RSPRY1: variants seen among roughly 807,000 people sequenced by gnomAD.
RSPRY1 encodes the protein RING finger and SPRY domain-containing protein 1.
Under a neutral mutation model 73.1 loss-of-function variants are expected in RSPRY1, and 23 were observed. The observed-to-expected ratio is 0.31, with a 90% CI of 0.23 to 0.45. The LOEUF (loss-of-function observed/expected upper bound fraction) is 0.45. Ranked by LOEUF, RSPRY1 falls within the 20% of genes least tolerant of loss-of-function variation. The pLI, the probability that RSPRY1 is intolerant of heterozygous loss-of-function variation, is 1.00. For missense variants in RSPRY1, 448 were observed against 698.7 expected (o/e 0.64, Z 4.05); for synonymous variants, 226 against 251.4 (o/e 0.90, Z 0.95).
chr16:57,189,554 G>T (rs1597840923), intron 1 of RSPRY1, among the ~76,000 whole-genome samples: 2 of 146,762 alleles, frequency 1.4e-5, no homozygotes, highest in Admixed American at 6.8e-5. Context: ...CAATTATTCT[G>T]TATTTCTTTT....
intron 2 of RSPRY1, among the ~76,000 whole-genome samples, chr16:57,206,583 G>A (rs1263778731): frequency 6.6e-6 from 1 of 152,112 alleles, no homozygotes; most frequent in African/African-American, 2.4e-5. Flanking sequence ...TTTTTAAAGA[G>A]ACAGGGTCTC....
At chr16:57,208,500 G>A (rs919450646) in intron 3 of RSPRY1, among the ~76,000 whole-genome samples, 1 of 148,906 alleles carries the variant, frequency 6.7e-6, no homozygotes, top group Non-Finnish European at 1.5e-5. Context: ...CCCTGGCCCA[G>A]GTGATCACCC....
intron 14 of RSPRY1, among the ~76,000 whole-genome samples, chr16:57,238,336 G>A (rs968307922): frequency 1.3e-5 from 2 of 152,066 alleles, no homozygotes; most frequent in Non-Finnish European, 2.9e-5. Flanking sequence ...AAAAGTTTAA[G>A]GCAAGAAAAT....
intron 8 of RSPRY1, chr16:57,219,866 T>G (rs2075006686): frequency 6.6e-6 from 1 of 152,230 alleles, no homozygotes; most frequent in South Asian, 2.1e-4. Flanking sequence ...GTTTTATTCT[T>G]TTGCTTATGG....
At chr16:57,195,978 C>T (rs1399933241) in intron 1 of RSPRY1, among the ~76,000 whole-genome samples, 1 of 147,004 alleles carries the variant, frequency 6.8e-6, no homozygotes, top group Non-Finnish European at 1.5e-5. Flanking sequence ...GCCGAGATCT[C>T]ACCACTGGAC....
At chr16:57,219,512 A>C (rs888617017) in intron 8 of RSPRY1, among the ~76,000 whole-genome samples, 5 of 152,126 alleles carry the variant, frequency 3.3e-5, no homozygotes, top group African/African-American at 7.2e-5. Flanking sequence ...CAGATTATTG[A>C]ATGTTTTCCT....
chr16:57,186,448 G>T lies in RSPRY1; in HGVS notation c.-159G>T. The T allele has an allele frequency of 6.4e-6, 1 of 155,230 alleles. No homozygotes were observed. Among genetic ancestry groups the T allele is most frequent in the South Asian group, 1.8e-4 (1 of 5,602 alleles). 9.6% of individuals were successfully genotyped at this position (155,230 alleles called of 1,614,324 possible). A position where few individuals can be genotyped will look rare whatever the true frequency, so the allele number is the denominator to read the frequency against. On this transcript the variant is annotated 5_prime_UTR_variant, in exon 1 of 15. The change creates a premature stop within an existing upstream ORF in the 5' untranslated region. Coordinates refer to ENST00000394420, the MANE Select transcript of RSPRY1 (RefSeq NM_133368.3). ...CCCTCCGGTGGGCCCGGGAGGTAGA[G>T]AAAGTCAGTGCCACAGCCCGACCGC...
intron 10 of RSPRY1, among the ~76,000 whole-genome samples, chr16:57,223,521 TGTAATCC>T (rs1358177034): frequency 9.2e-5 from 14 of 152,224 alleles, no homozygotes; most frequent in Non-Finnish European, 1.9e-4. Flanking sequence ...GGCTCACACC[TGTAATCC>T]CAGCACTTTG....
chr16:57,230,005 CTTTTTT>C (rs544045998), intron 11 of RSPRY1, among the ~76,000 whole-genome samples: 1 of 44,926 alleles, frequency 2.2e-5, no homozygotes, highest in African/African-American at 8.9e-5. Flanking sequence ...ACGCCCTGCC[CTTTTTT>C]TTTTTTTTTT....
At position 57,230,807 on chromosome 16, in the gene RSPRY1, C is replaced by T; in HGVS notation, c.1370C>T (p.Ser457Phe). ...CCTCCTGAAAAGCAAGTCTTTTCAT[C>T]TACTGTGTAAGTAGCTCTTCTCAGT... Reference protein sequence around the residue: ...QLPPEKQVFSSTVSGFFAAAS... With the variant: ...QLPPEKQVFSFTVSGFFAAAS... Residue 457 changes from serine (S) to phenylalanine (F), a missense_variant, in exon 12 of 15, where the codon TCT (serine) becomes TTT (phenylalanine). Ser to Phe is a radical substitution (Grantham distance 155). Coordinates refer to ENST00000394420, the MANE Select transcript of RSPRY1 (RefSeq NM_133368.3). The T allele has an allele frequency of 2.5e-6, 4 of 1,587,900 alleles. No homozygotes were observed. The highest frequency in any genetic ancestry group is 3.5e-6 in the Non-Finnish European group (4 of 1,157,428).
chr16:57,189,014 A>ATTAT (rs2074302834), intron 1 of RSPRY1, among the ~76,000 whole-genome samples: 1 of 123,250 alleles, frequency 8.1e-6, no homozygotes. Context: ...TTTTTTTGAG[A>ATTAT]CCGAGATTCC....
chr16:57,210,254 A>AT (rs1406909626), intron 4 of RSPRY1, among the ~76,000 whole-genome samples: 8 of 148,100 alleles, frequency 5.4e-5, no homozygotes, highest in Non-Finnish European at 9.0e-5. Flanking sequence ...AATTTTTTTT[A>AT]TTTTTTGTAG....
chr16:57,197,409 C>T (rs1008900702), intron 1 of RSPRY1, among the ~76,000 whole-genome samples: 3 of 152,190 alleles, frequency 2.0e-5, no homozygotes, highest in Non-Finnish European at 2.9e-5. Flanking sequence ...TTTCCTTGTA[C>T]GTTTCATAGG....
At position 57,235,293 on chromosome 16, in the gene RSPRY1, G is replaced by A. The variant is rs1288198733; in HGVS notation, c.1634+65G>A. On this transcript the variant is annotated intron_variant, in intron 14 of 14. Transcript: ENST00000394420. ...TAAATTGCTAGTTCCATGGCTGTTC[G>A]TCAGGGTTTATTGTATCTAAAGCAG... is the stretch of plus-strand genomic sequence containing the variant. 21 of 1,174,194 alleles carry A rather than the reference G, an allele frequency of 1.8e-5. No homozygotes were observed. In the East Asian group the frequency reaches 3.0e-4, roughly 17 times the overall value. The allele number at this position is 1,174,194 out of a possible 1,614,324, so 72.7% of individuals were successfully genotyped here.
At chr16:57,230,438 G>A (rs574891013) in intron 11 of RSPRY1, among the ~76,000 whole-genome samples, 25 of 152,264 alleles carry the variant, frequency 1.6e-4, no homozygotes, top group Admixed American at 5.2e-4. Context: ...CCCAAAATGC[G>A]TATTTTTCCC....
In RSPRY1 at chr16:57,186,347, C is replaced by T. The variant is rs910508579; in HGVS notation, c.-260C>T. ...GGGTGGGCTCTGCGCGTAATGGCAG[C>T]GCCGTGGCCTCGCGTCCATCTTTGC... On this transcript the variant is annotated 5_prime_UTR_variant, in exon 1 of 15. Coordinates refer to ENST00000394420, the MANE Select transcript of RSPRY1 (RefSeq NM_133368.3). The T allele has an allele frequency of 9.6e-5, 18 of 186,996 alleles. No homozygotes were observed. Among genetic ancestry groups the T allele is most frequent in the East Asian group, 7.5e-4 (4 of 5,338 alleles). The allele number at this position is 186,996 out of a possible 1,614,324, so 11.6% of individuals were successfully genotyped here. A position where few individuals can be genotyped will look rare whatever the true frequency, so the allele number is the denominator to read the frequency against.
chr16:57,225,298 TG>T (rs2146342396), intron 10 of RSPRY1, among the ~76,000 whole-genome samples: 1 of 152,342 alleles, frequency 6.6e-6, no homozygotes, highest in Admixed American at 6.5e-5. Flanking sequence ...TGGCCTCAAG[TG>T]ATCTGCCCCC....
chr16:57,226,376 C>T (rs1475141057), intron 10 of RSPRY1, among the ~76,000 whole-genome samples: 1 of 152,186 alleles, frequency 6.6e-6, no homozygotes, highest in African/African-American at 2.4e-5. Context: ...ATTAAAGAAA[C>T]AGAAGAATGG....
intron 13 of RSPRY1, among the ~76,000 whole-genome samples, chr16:57,232,832 C>T (rs1256231062): frequency 6.6e-6 from 1 of 152,178 alleles, no homozygotes; most frequent in Non-Finnish European, 1.5e-5. Flanking sequence ...TGAATAAGAA[C>T]AGCTGAATTC....
Sources: gnomAD v4.1 joint callset for allele counts (sites outside exome capture counted in the v4.1 genomes callset) on GRCh38, gnomAD v4.1.1 for gene constraint, MANE v1.5 for transcripts, NCBI Gene and HGNC (gene_info 2026-07-23, HGNC 2026-07-21) for gene names.